Variants in DPP6 observed in about 807,000 individuals in gnomAD.
The protein encoded by DPP6 is dipeptidyl peptidase like 6.
In DPP6, 69 loss-of-function variants were observed where a neutral mutation model predicts 122.6. The ratio of observed to expected loss-of-function variants is 0.56; its 90% CI spans 0.46 to 0.69. The LOEUF is 0.69. DPP6 is among the 30% of genes least tolerant of loss of function. DPP6 has a pLI of 0.00. For missense variants in DPP6, 928 were observed against 1,116.9 expected, an observed-to-expected ratio of 0.83 and a Z score of 2.41; for synonymous variants, 418 against 433.1, an observed-to-expected ratio of 0.97 and a Z score of 0.43.
At chr7:153,870,553 T>G in the DPP6 span, among the ~76,000 whole-genome samples, 1 of 152,210 alleles carries the variant, frequency 6.6e-6, no homozygotes, top group Non-Finnish European at 1.5e-5. Flanking sequence ...GCCATTCATC[T>G]AATTTTTCCC....
chr7:153,786,582 C>CA, the DPP6 span, among the ~76,000 whole-genome samples: 4 of 148,406 alleles, frequency 2.7e-5, no homozygotes, highest in Non-Finnish European at 4.5e-5. Context: ...ACTGAAAATA[C>CA]AAAAAAATTA....
intron 1 of DPP6, among the ~76,000 whole-genome samples, chr7:154,319,620 A>G (rs1807745707): frequency 6.6e-6 from 1 of 152,070 alleles, no homozygotes; most frequent in African/African-American, 2.4e-5. Context: ...GCTTGAACCC[A>G]GGAGGCGGAG....
the DPP6 span, among the ~76,000 whole-genome samples, chr7:153,874,959 T>C: frequency 6.6e-6 from 1 of 152,196 alleles, no homozygotes; most frequent in Non-Finnish European, 1.5e-5. Flanking sequence ...GAAAGGGAAC[T>C]GTTACAGATG....
intron 6 of DPP6, among the ~76,000 whole-genome samples, chr7:154,653,660 G>GT: frequency 6.6e-6 from 1 of 152,262 alleles, no homozygotes; most frequent in Non-Finnish European, 1.5e-5. Context: ...AAACAAACCT[G>GT]TTTTTTAGTT....
chr7:154,202,236 G>T (rs1337389689), intron 1 of DPP6, among the ~76,000 whole-genome samples: 3 of 152,246 alleles, frequency 2.0e-5, no homozygotes, highest in African/African-American at 7.2e-5. Context: ...CATGCGCTGG[G>T]TCTCTCCTCA....
At chr7:154,813,173 T>C (rs987249629) in intron 16 of DPP6, among the ~76,000 whole-genome samples, 7 of 151,896 alleles carry the variant, frequency 4.6e-5, no homozygotes, top group African/African-American at 1.7e-4. Context: ...CTCTGCCTCC[T>C]GGTTTCACGC....
intron 13 of DPP6, among the ~76,000 whole-genome samples, chr7:154,802,396 C>T (rs902494975): frequency 3.9e-5 from 5 of 129,016 alleles, no homozygotes; most frequent in Non-Finnish European, 7.3e-5. Context: ...CTGCGGGACT[C>T]CTGGGATGGA....
intron 18 of DPP6, among the ~76,000 whole-genome samples, chr7:154,870,019 C>G (rs1291570235): frequency 3.3e-5 from 5 of 151,710 alleles, no homozygotes; most frequent in Non-Finnish European, 1.5e-5. Context: ...TCACTCTGTC[C>G]CCCAGGCTAG....
intron 5 of DPP6, among the ~76,000 whole-genome samples, chr7:154,616,218 C>T (rs997617881): frequency 4.6e-5 from 7 of 152,128 alleles, no homozygotes; most frequent in African/African-American, 1.7e-4. Context: ...GGTCAGCTGT[C>T]CCCATGCCCA....
In DPP6 at chr7:154,826,710, G is replaced by T. The variant is rs556464646; in HGVS notation, c.1666+19598G>T. On this transcript the variant is annotated intron_variant, in intron 16 of 25. Transcript: ENST00000377770. ...AATTAGAAAAATCTCCTTACAAAGTGCTTTCTTCAGGAAATGTGGGACCAA... is the reference window on the plus strand; with the variant it reads ...AATTAGAAAAATCTCCTTACAAAGTTCTTTCTTCAGGAAATGTGGGACCAA... Among the ~76,000 whole-genome samples, 12 of 152,276 alleles carry T rather than the reference G, an allele frequency of 7.9e-5. No homozygotes were observed. In the East Asian group the frequency reaches 2.3e-3, roughly 29 times the overall value.
chr7:154,397,125 T>G (rs1340492841), intron 1 of DPP6, among the ~76,000 whole-genome samples: 1 of 150,232 alleles, frequency 6.7e-6, no homozygotes, highest in Non-Finnish European at 1.5e-5. Context: ...TGTAAAATTA[T>G]AAGATAAATT....
chr7:153,779,992 C>T, the DPP6 span, among the ~76,000 whole-genome samples: 2 of 151,460 alleles, frequency 1.3e-5, no homozygotes, highest in South Asian at 4.2e-4. Context: ...ACCCCAATGC[C>T]AGTTGGGGTA....
intron 1 of DPP6, among the ~76,000 whole-genome samples, chr7:154,299,523 T>C (rs1414762130): frequency 1.3e-5 from 2 of 152,210 alleles, no homozygotes; most frequent in East Asian, 3.9e-4. Context: ...TTTGTTGTTG[T>C]TGTTTCTTTC....
At chr7:154,873,815 T>C (rs1251707075) in intron 19 of DPP6, among the ~76,000 whole-genome samples, 1 of 112,336 alleles carries the variant, frequency 8.9e-6, no homozygotes, top group South Asian at 3.0e-4. Flanking sequence ...CACACACACA[T>C]GCACACACGC....
At chr7:154,628,638 G>C (rs1835227286) in intron 5 of DPP6, among the ~76,000 whole-genome samples, 1 of 152,060 alleles carries the variant, frequency 6.6e-6, no homozygotes, top group Non-Finnish European at 1.5e-5. Context: ...CATTATTAGA[G>C]ATGAGCTCGT....
chr7:154,010,836 C>T (rs1159605081), intron 1 of DPP6, among the ~76,000 whole-genome samples: 4 of 152,220 alleles, frequency 2.6e-5, no homozygotes, highest in East Asian at 1.9e-4. Context: ...AGACTTGTGC[C>T]GAATTCCATT....
At chr7:153,772,485 A>G in the DPP6 span, among the ~76,000 whole-genome samples, 3 of 152,220 alleles carry the variant, frequency 2.0e-5, no homozygotes, top group Non-Finnish European at 2.9e-5. Flanking sequence ...GGGCATAAGT[A>G]ATAGGTTGAT....
chr7:154,260,830 TTTC>T (rs1319895327), intron 1 of DPP6, among the ~76,000 whole-genome samples: 4 of 151,550 alleles, frequency 2.6e-5, no homozygotes, highest in African/African-American at 9.7e-5. Context: ...AATTACTTAT[TTTC>T]TTCTTGGTAA....
chr7:153,952,571 G>A (rs933453388), intron 1 of DPP6, among the ~76,000 whole-genome samples: 4 of 152,188 alleles, frequency 2.6e-5, no homozygotes, highest in Admixed American at 6.5e-5. Context: ...AGTTTATTAC[G>A]GAGCATCCAT....
Sources: allele counts gnomAD v4.1 joint callset (sites outside exome capture counted in the v4.1 genomes callset), GRCh38; gene constraint gnomAD v4.1.1; transcripts MANE v1.5; gene names NCBI Gene and HGNC (gene_info 2026-07-23, HGNC 2026-07-21).